TASP1: variants seen among roughly 807,000 people sequenced by gnomAD.
TASP1 encodes threonine aspartase 1.
A neutral mutation model predicts 56.6 loss-of-function variants in TASP1; 16 were observed. That is an observed-to-expected ratio of 0.28 (90% confidence interval 0.19 to 0.43). The LOEUF is 0.43. Ranked by LOEUF, TASP1 falls within the 20% of genes least tolerant of loss-of-function variation. The pLI is 1.00. For missense variants in TASP1, 393 were observed against 511.6 expected (o/e 0.77, Z 2.24); for synonymous variants, 179 against 184.2 (o/e 0.97, Z 0.23).
At chr20:13,419,307 G>A (rs2042361432) in intron 12 of TASP1, among the ~76,000 whole-genome samples, 1 of 152,116 alleles carries the variant, frequency 6.6e-6, no homozygotes, top group Non-Finnish European at 1.5e-5. Context: ...TGTAGAGGGA[G>A]GAGGGCATGA....
the TASP1 span, among the ~76,000 whole-genome samples, chr20:13,142,227 C>A: frequency 5.9e-5 from 9 of 152,178 alleles, no homozygotes; most frequent in African/African-American, 2.2e-4. Context: ...GGCACTGGGG[C>A]AAAAGATAGT....
the TASP1 span, among the ~76,000 whole-genome samples, chr20:13,291,076 C>A: frequency 2.8e-4 from 43 of 152,350 alleles, no homozygotes; most frequent in East Asian, 2.5e-3. Context: ...CCAGAGCTCA[C>A]ATCCAGACTC....
the TASP1 span, among the ~76,000 whole-genome samples, chr20:13,291,405 T>C: frequency 6.6e-6 from 1 of 152,300 alleles, no homozygotes; most frequent in East Asian, 1.9e-4. Flanking sequence ...TATTACACTG[T>C]AAAAGTTTGT....
At chr20:13,595,719 C>A (rs2047703553) in intron 4 of TASP1, among the ~76,000 whole-genome samples, 1 of 152,144 alleles carries the variant, frequency 6.6e-6, no homozygotes, top group Admixed American at 6.5e-5. Flanking sequence ...CACCCAGATT[C>A]ATAAAGGAAG....
chr20:13,317,973 T>C, the TASP1 span, among the ~76,000 whole-genome samples: 2 of 151,998 alleles, frequency 1.3e-5, no homozygotes, highest in South Asian at 4.1e-4. Context: ...AACTTTTTTG[T>C]TCTGTGAAAG....
chr20:13,613,460 C>T (rs552359962), intron 4 of TASP1, among the ~76,000 whole-genome samples: 1 of 152,176 alleles, frequency 6.6e-6, no homozygotes, highest in South Asian at 2.1e-4. Context: ...ATTATAAACA[C>T]TCTTAAGTCA....
chr20:13,359,644 C>T, the TASP1 span, among the ~76,000 whole-genome samples: 1 of 151,334 alleles, frequency 6.6e-6, no homozygotes, highest in East Asian at 1.9e-4. Context: ...TTAAAACTCC[C>T]CAACTCTGGT....
chr20:13,589,090 C>T (rs1281754954), intron 4 of TASP1, among the ~76,000 whole-genome samples: 1 of 137,222 alleles, frequency 7.3e-6, no homozygotes, highest in Non-Finnish European at 1.5e-5. Context: ...TGGAGTCTTG[C>T]TCTGTTGCGC....
intron 8 of TASP1, among the ~76,000 whole-genome samples, chr20:13,552,887 C>G (rs1355205648): frequency 6.6e-6 from 1 of 152,068 alleles, no homozygotes; most frequent in Non-Finnish European, 1.5e-5. Context: ...TTATAACCAA[C>G]AGTAAAAGAG....
At chr20:13,302,798 G>A in the TASP1 span, among the ~76,000 whole-genome samples, 2 of 152,160 alleles carry the variant, frequency 1.3e-5, no homozygotes, top group Non-Finnish European at 2.9e-5. Flanking sequence ...CACAACAGTG[G>A]TAAACAGAGA....
chr20:13,565,358 TAAA>T (rs899824130), intron 7 of TASP1, among the ~76,000 whole-genome samples: 9 of 151,876 alleles, frequency 5.9e-5, no homozygotes, highest in Non-Finnish European at 8.8e-5. Flanking sequence ...AAAAAATAGA[TAAA>T]AATTTAAAAG....
At chr20:13,476,090 G>A (rs1479583402) in intron 11 of TASP1, among the ~76,000 whole-genome samples, 33 of 152,134 alleles carry the variant, frequency 2.2e-4, no homozygotes, top group Admixed American at 2.2e-3. Flanking sequence ...CTGTACTCCA[G>A]CCTGGGCAAC....
chr20:13,275,567 C>T, the TASP1 span, among the ~76,000 whole-genome samples: 2 of 152,136 alleles, frequency 1.3e-5, no homozygotes, highest in African/African-American at 2.4e-5. Context: ...TAGCCCCATG[C>T]GGGTTACTGG....
the TASP1 span, among the ~76,000 whole-genome samples, chr20:13,306,056 A>G: frequency 6.7e-6 from 1 of 150,204 alleles, no homozygotes; most frequent in Middle Eastern, 3.5e-3. Flanking sequence ...GCCCTTATAG[A>G]TATTCACGAT....
chr20:13,112,384 G>T, the TASP1 span, among the ~76,000 whole-genome samples: 2 of 152,286 alleles, frequency 1.3e-5, no homozygotes, highest in Admixed American at 1.3e-4. Context: ...ACAACGTGGT[G>T]CTGGCTTCCA....
At chr20:13,433,481 C>T (rs2042883704) in intron 12 of TASP1, among the ~76,000 whole-genome samples, 1 of 140,360 alleles carries the variant, frequency 7.1e-6, no homozygotes, top group Non-Finnish European at 1.5e-5. Flanking sequence ...TTGGAGGAAC[C>T]TAGGTACTAT....
chr20:13,601,124 CA>C (rs1406712403), intron 4 of TASP1, among the ~76,000 whole-genome samples: 4 of 151,684 alleles, frequency 2.6e-5, no homozygotes, highest in African/African-American at 9.7e-5. Flanking sequence ...AAATAAAATA[CA>C]AAAATTAGCC....
At chr20:13,460,994 A>G (rs977044986) in intron 11 of TASP1, among the ~76,000 whole-genome samples, 1 of 152,160 alleles carries the variant, frequency 6.6e-6, no homozygotes, top group Admixed American at 6.6e-5. Flanking sequence ...AAGGCCTTGC[A>G]TGGCCCTTAC....
chr20:13,391,458 G>A (rs1165546180), intron 13 of TASP1, among the ~76,000 whole-genome samples: 5 of 152,212 alleles, frequency 3.3e-5, no homozygotes, highest in African/African-American at 9.6e-5. Flanking sequence ...TAAACTTCAC[G>A]CAATCCTCTC....
Sources: gnomAD v4.1 joint callset for allele counts (sites outside exome capture counted in the v4.1 genomes callset) on GRCh38, gnomAD v4.1.1 for gene constraint, MANE v1.5 for transcripts, NCBI Gene and HGNC (gene_info 2026-07-23, HGNC 2026-07-21) for gene names.